GLI3: variants seen among roughly 807,000 people sequenced by gnomAD.
The protein encoded by GLI3 is GLI family zinc finger 3, also known as transcription activator GLI3.
Under a neutral mutation model 100.8 loss-of-function variants are expected in GLI3, and 20 were observed. The observed-to-expected ratio is 0.20, with a 90% CI of 0.14 to 0.29. The LOEUF (loss-of-function observed/expected upper bound fraction) is 0.29, where lower values mean the gene tolerates loss of function less well. Among genes scored for constraint, GLI3 ranks in the 10% least tolerant of loss-of-function variants. The pLI, the probability that GLI3 is intolerant of heterozygous loss-of-function variation, is 1.00. For missense variants in GLI3, 2,040 were observed against 2,128.5 expected (o/e 0.96, Z 0.82); for synonymous variants, 938 against 860.5 (o/e 1.09, Z -1.58).
intron 2 of GLI3, among the ~76,000 whole-genome samples, chr7:42,207,037 A>C (rs1210073331): frequency 2.0e-5 from 3 of 152,208 alleles, no homozygotes; most frequent in Non-Finnish European, 4.4e-5. Flanking sequence ...TACAGTGAAA[A>C]ATACAGAAAA....
intron 10 of GLI3, among the ~76,000 whole-genome samples, chr7:41,988,552 G>C (rs948626125): frequency 2.6e-5 from 4 of 151,690 alleles, no homozygotes; most frequent in Non-Finnish European, 4.4e-5. Flanking sequence ...CTTATAAAGG[G>C]ACTGGAGGGA....
intron 4 of GLI3, 98 bp downstream of exon 4, chr7:42,076,654 T>G (rs1421446581): frequency 3.7e-6 from 3 of 808,280 alleles, no homozygotes; most frequent in Non-Finnish European, 6.7e-6. Flanking sequence ...CTATCACATC[T>G]TCAAAGCCCA....
chr7:42,025,499 G>C, intron 8 of GLI3, 122 bp from the exon 9 acceptor site: 1 of 736,246 alleles, frequency 1.4e-6, no homozygotes, highest in Non-Finnish European at 2.4e-6. Flanking sequence ...CAATGACTCT[G>C]ATAATTCTCC....
chr7:42,121,452 G>A (rs1164545139), intron 3 of GLI3, among the ~76,000 whole-genome samples: 2 of 152,304 alleles, frequency 1.3e-5, no homozygotes, highest in East Asian at 1.9e-4. Flanking sequence ...TACTGCCCCT[G>A]CCCCCAAAAT....
At chr7:42,170,102 A>T (rs1787334058) in intron 2 of GLI3, among the ~76,000 whole-genome samples, 1 of 151,498 alleles carries the variant, frequency 6.6e-6, no homozygotes, top group Non-Finnish European at 1.5e-5. Context: ...ATACAAAAAA[A>T]TTAGCTGGGC....
intron 3 of GLI3, among the ~76,000 whole-genome samples, chr7:42,078,506 T>G (rs1231685683): frequency 6.6e-6 from 1 of 152,128 alleles, no homozygotes; most frequent in African/African-American, 2.4e-5. Context: ...CCACCAGATC[T>G]AGAATCTAGA....
At chr7:42,055,673 C>T (rs1182179845) in intron 4 of GLI3, among the ~76,000 whole-genome samples, 1 of 152,160 alleles carries the variant, frequency 6.6e-6, no homozygotes, top group African/African-American at 2.4e-5. Flanking sequence ...CTCCATCAGC[C>T]CCCAGGCCCC....
chr7:42,188,722 T>TGAAAGAA (rs1227371981), intron 2 of GLI3, among the ~76,000 whole-genome samples: 1 of 152,160 alleles, frequency 6.6e-6, no homozygotes, highest in African/African-American at 2.4e-5. Context: ...TATCACTAAG[T>TGAAAGAA]GAAAGAAGGC....
chr7:42,237,381 C>T (rs1344636628), upstream of GLI3, among the ~76,000 whole-genome samples: 1 of 152,126 alleles, frequency 6.6e-6, no homozygotes, highest in African/African-American at 2.4e-5. Flanking sequence ...AAACCCCCAG[C>T]CGTACGCCTC....
chr7:41,964,719 G>C lies in GLI3; in HGVS notation c.4354C>G (p.Gln1452Glu). The change falls in exon 15 of 15, where the codon CAG becomes GAG. Residue 1452 changes from glutamine (Q) to glutamate (E), a missense_variant. By Grantham distance (29) the Gln-to-Glu change is conservative. This residue lies in a region of GLI3 where 1,041 missense variants were observed against 924.0 expected (regional missense o/e 1.13). Coordinates refer to ENST00000395925, the MANE Select transcript of GLI3 (RefSeq NM_000168.6). ...QFYDQTVGFS[Q>E]QDTKAGSFSI... ...AATGAACCAGCTTTCGTGTCTTGCT[G>C]ACTGAAGCCCACGGTTTGGTCATAG... 3.1e-6 allele frequency: 5 copies of C among 1,614,168 alleles called. No homozygotes were observed. Among genetic ancestry groups the C allele is most frequent in the Non-Finnish European group, 4.2e-6 (5 of 1,179,996 alleles).
intron 5 of GLI3, among the ~76,000 whole-genome samples, 164 bp downstream of exon 5, chr7:42,048,327 G>A (rs1462037254): frequency 1.3e-5 from 2 of 151,728 alleles, no homozygotes; most frequent in African/African-American, 4.9e-5. Flanking sequence ...CTGCCAATGA[G>A]GTGTTACAAA....
chr7:42,130,737 T>C (rs1201900947), intron 3 of GLI3, among the ~76,000 whole-genome samples: 2 of 152,060 alleles, frequency 1.3e-5, no homozygotes, highest in Admixed American at 1.3e-4. Flanking sequence ...AAATCATCCA[T>C]AGAGTTAACG....
chr7:42,158,124 A>G (rs1787046578), intron 2 of GLI3, among the ~76,000 whole-genome samples: 1 of 152,238 alleles, frequency 6.6e-6, no homozygotes, highest in Non-Finnish European at 1.5e-5. Context: ...CTCAGCTTTT[A>G]CCAGCCCACT....
intron 1 of GLI3, among the ~76,000 whole-genome samples, chr7:42,230,984 C>G (rs1788685590): frequency 6.6e-6 from 1 of 152,214 alleles, no homozygotes; most frequent in African/African-American, 2.4e-5. Flanking sequence ...CATGACTGAT[C>G]AGATGTGTCC....
chr7:42,039,375 T>C (rs911482571), intron 7 of GLI3, among the ~76,000 whole-genome samples: 3 of 152,222 alleles, frequency 2.0e-5, no homozygotes, highest in Non-Finnish European at 4.4e-5. Context: ...AGGTGCTTCA[T>C]GGAAGGAAGT....
intron 10 of GLI3, among the ~76,000 whole-genome samples, chr7:41,985,396 C>T (rs1274779318): frequency 6.6e-6 from 1 of 152,098 alleles, no homozygotes; most frequent in Non-Finnish European, 1.5e-5. Flanking sequence ...TTAAGAAAGT[C>T]TTCTACTTTG....
intron 4 of GLI3, among the ~76,000 whole-genome samples, chr7:42,061,332 C>T (rs2237422): frequency 0.49 from 74,123 of 151,846 alleles, 18,441 homozygotes; most frequent in South Asian, 0.54. Context: ...AGACTTTTTC[C>T]ATATTAGTAT....
chr7:42,109,352 G>A (rs954887532), intron 3 of GLI3, among the ~76,000 whole-genome samples: 4 of 152,130 alleles, frequency 2.6e-5, no homozygotes, highest in African/African-American at 7.2e-5. Context: ...TTGGAAAGTA[G>A]AATTCCTGGA....
intron 2 of GLI3, among the ~76,000 whole-genome samples, chr7:42,198,929 C>CTT (rs34261962): frequency 0.16 from 23,603 of 146,068 alleles, 2,047 homozygotes; most frequent in South Asian, 0.25. Flanking sequence ...GAAAAAGTTT[C>CTT]TTTTTTTTTT....
Sources: gnomAD v4.1 joint callset for allele counts (sites outside exome capture counted in the v4.1 genomes callset) on GRCh38, gnomAD v4.1.1 for gene constraint, gnomAD v4.1.1 regional missense constraint, MANE v1.5 for transcripts, NCBI Gene and HGNC (gene_info 2026-07-23, HGNC 2026-07-21) for gene names.